Variants in PGM5 observed in about 807,000 individuals in gnomAD.
PGM5 encodes phosphoglucomutase-like protein 5.
A neutral mutation model predicts 59.2 loss-of-function variants in PGM5; 23 were observed. The observed-to-expected ratio is 0.39, with a 90% CI of 0.28 to 0.55. The LOEUF (loss-of-function observed/expected upper bound fraction) is 0.55, where lower values mean the gene tolerates loss of function less well. Among genes scored for constraint, PGM5 ranks in the 20% least tolerant of loss-of-function variants. PGM5 has a pLI of 0.66. For synonymous variants in PGM5, 214 were observed against 286.0 expected (o/e 0.75, Z 2.54); for missense variants, 574 against 748.3 (o/e 0.77, Z 2.72).
intron 10 of PGM5, among the ~76,000 whole-genome samples, chr9:68,502,553 C>G (rs564215488): frequency 6.6e-6 from 1 of 152,188 alleles, no homozygotes; most frequent in Non-Finnish European, 1.5e-5. Flanking sequence ...ATAATCAGCC[C>G]GTGGCTAATC....
At chr9:68,404,751 G>A (rs1340216861) in intron 6 of PGM5, among the ~76,000 whole-genome samples, 1 of 152,288 alleles carries the variant, frequency 6.6e-6, no homozygotes, top group East Asian at 1.9e-4. Context: ...AAAACTCCTT[G>A]TAAGTTGATG....
chr9:68,447,824 C>T (rs370358017), intron 6 of PGM5, among the ~76,000 whole-genome samples: 1 of 152,166 alleles, frequency 6.6e-6, no homozygotes. Flanking sequence ...CAGGACAGGG[C>T]CTGACTCCCT....
chr9:68,400,358 A>T (rs1296456492), intron 6 of PGM5, among the ~76,000 whole-genome samples: 7 of 152,140 alleles, frequency 4.6e-5, no homozygotes, highest in Admixed American at 1.3e-4. Context: ...TGCTGCTTAC[A>T]GTTTCCCAAA....
At chr9:68,527,942 C>T (rs977562759) in intron 10 of PGM5, among the ~76,000 whole-genome samples, 30 of 152,240 alleles carry the variant, frequency 2.0e-4, no homozygotes, top group African/African-American at 7.2e-4. Context: ...GACTGGCTCA[C>T]ATCTCTCAGG....
At chr9:68,512,603 T>C (rs1369629951) in intron 10 of PGM5, among the ~76,000 whole-genome samples, 1 of 152,206 alleles carries the variant, frequency 6.6e-6, no homozygotes, top group Non-Finnish European at 1.5e-5. Context: ...CCTTCTTGTG[T>C]GTCTCTGGGT....
intron 6 of PGM5, chr9:68,396,472 T>G (rs1488570026): frequency 1.3e-5 from 2 of 152,206 alleles, no homozygotes; most frequent in Non-Finnish European, 2.9e-5. Context: ...TCCTTGTTTC[T>G]TGTGGAAATT....
intron 6 of PGM5, among the ~76,000 whole-genome samples, chr9:68,448,776 A>G (rs550821062): frequency 1.2e-4 from 19 of 152,288 alleles, no homozygotes; most frequent in African/African-American, 4.6e-4. Flanking sequence ...TGTCCTCCTG[A>G]AGCTGCTGGA....
chr9:68,428,689 T>C (rs1375437177), intron 6 of PGM5: 1 of 152,220 alleles, frequency 6.6e-6, no homozygotes, highest in Non-Finnish European at 1.5e-5. Flanking sequence ...CTCTGCTCTG[T>C]GCTTCTCATG....
chr9:68,426,623 T>G (rs1380871797), intron 6 of PGM5, among the ~76,000 whole-genome samples: 40 of 152,158 alleles, frequency 2.6e-4, no homozygotes, highest in African/African-American at 9.6e-4. Context: ...ATTTTTTTTT[T>G]TTTTTGGCCA....
At chr9:68,459,509 C>A (rs1823826634) in intron 6 of PGM5, among the ~76,000 whole-genome samples, 1 of 152,278 alleles carries the variant, frequency 6.6e-6, no homozygotes, top group South Asian at 2.1e-4. Flanking sequence ...GTATGACATT[C>A]ATTCTTGTTG....
Position 68,465,144 on chromosome 9 carries a change from A to G in PGM5, c.1095A>G (p.Arg365=). The part of the protein sequence containing the change: ...VPVYETPAGW[R]FFSNLMDSGR... ...TATATGAGACCCCAGCTGGATGGAG[A>G]TTCTTCTCAAATCTGATGGACTCAG... The change falls in exon 7 of 11, where the codon AGA becomes AGG. Residue 365 remains arginine, a synonymous_variant. Transcript: ENST00000396396. 1.2e-6 allele frequency: 2 copies of G among 1,613,496 alleles called. 1 individual carries two copies. The highest frequency in any genetic ancestry group is 3.3e-4 in the Middle Eastern group (2 of 6,054).
At chr9:68,361,898 T>A (rs1222504984) in intron 1 of PGM5, among the ~76,000 whole-genome samples, 2 of 152,066 alleles carry the variant, frequency 1.3e-5, no homozygotes, top group African/African-American at 2.4e-5. Flanking sequence ...GATGGTGAGA[T>A]GATCGCAAGG....
At position 68,439,869 on chromosome 9, in the gene PGM5, G is replaced by T. The variant is rs1166079274; in HGVS notation, c.1044-25224G>T. Among the ~76,000 whole-genome samples, 3 of 151,950 alleles carry T rather than the reference G, an allele frequency of 2.0e-5. No individual in the cohort carries two copies. In the East Asian group the frequency reaches 5.8e-4, roughly 29 times the overall value. On this transcript the variant is annotated intron_variant, in intron 6 of 10. Coordinates refer to ENST00000396396, the MANE Select transcript of PGM5 (RefSeq NM_021965.4). Reference sequence around the variant, plus strand: ...GAAAGAGGGTGAAGTTAGGGAAAATGACTTTTAAAGTTTTGTAGAAACTCC... The same window carrying T: ...GAAAGAGGGTGAAGTTAGGGAAAATTACTTTTAAAGTTTTGTAGAAACTCC...
chr9:68,386,520 G>A (rs1402254136), intron 3 of PGM5, among the ~76,000 whole-genome samples: 1 of 152,154 alleles, frequency 6.6e-6, no homozygotes, highest in East Asian at 1.9e-4. Flanking sequence ...ATCACACCTG[G>A]ATTTACTAAA....
chr9:68,432,725 C>A (rs781891001), intron 6 of PGM5, among the ~76,000 whole-genome samples: 2 of 152,064 alleles, frequency 1.3e-5, no homozygotes, highest in Non-Finnish European at 2.9e-5. Context: ...CCTGTCTCAT[C>A]TTCCCGAGTA....
At chr9:68,505,952 A>G (rs1824647220) in intron 10 of PGM5, among the ~76,000 whole-genome samples, 1 of 152,146 alleles carries the variant, frequency 6.6e-6, no homozygotes, top group Non-Finnish European at 1.5e-5. Context: ...ACCAAGAGTC[A>G]CCCACTAGCA....
intron 7 of PGM5, chr9:68,466,268 GTGT>G: frequency 9.2e-6 from 7 of 758,684 alleles, no homozygotes; most frequent in Admixed American, 5.9e-5. Context: ...CCGATACTGT[GTGT>G]TTTTTTTTTT....
rs898135104 is a variant in PGM5, at chr9:68,529,894, G to C, written c.*238G>C. Reference sequence around the variant, plus strand: ...TCTGTTAAAGCTGCACTATAATTTGGTATCTACATTTTATCACACAAAGGA... The same window carrying C: ...TCTGTTAAAGCTGCACTATAATTTGCTATCTACATTTTATCACACAAAGGA... On this transcript the variant is annotated 3_prime_UTR_variant, in exon 11 of 11. Transcript: ENST00000396396. 2.6e-6 allele frequency: 1 copy of C among 381,618 alleles called. No homozygotes were observed. Among genetic ancestry groups the C allele is most frequent in the African/African-American group, 2.1e-5 (1 of 46,724 alleles). The allele number at this position is 381,618 out of a possible 1,614,324, so 23.6% of individuals were successfully genotyped here.
chr9:68,419,720 C>T (rs1823096458), intron 6 of PGM5, among the ~76,000 whole-genome samples: 1 of 152,146 alleles, frequency 6.6e-6, no homozygotes, highest in South Asian at 2.1e-4. Context: ...TATCTCAGAG[C>T]CAAGACAGAA....
Sources: allele counts gnomAD v4.1 joint callset (sites outside exome capture counted in the v4.1 genomes callset), GRCh38; gene constraint gnomAD v4.1.1; transcripts MANE v1.5; gene names NCBI Gene and HGNC (gene_info 2026-07-23, HGNC 2026-07-21).